The following RHOXF1 variants were observed in gnomAD, a reference collection of about 807,000 sequenced individuals.
RHOXF1 encodes the protein Rhox homeobox family member 1, also known as PEPP subfamily gene 1.
In RHOXF1, 1 loss-of-function variant was observed where a neutral mutation model predicts 9.7. The observed-to-expected ratio is 0.10, with a 90% CI of 0.04 to 0.49. RHOXF1 has a LOEUF of 0.49. Among genes scored for constraint, RHOXF1 ranks in the 20% least tolerant of loss-of-function variants. The probability of loss-of-function intolerance (pLI) is 0.95; values close to 1 mark genes in which losing one functional copy is unlikely to be tolerated. For synonymous variants in RHOXF1, 72 were observed against 70.2 expected, an observed-to-expected ratio of 1.03 and a Z score of -0.13; for missense variants, 179 against 168.0, an observed-to-expected ratio of 1.07 and a Z score of -0.36.
chrX:120,109,142 A>C lies in RHOXF1; in HGVS notation c.*50T>G. ...GGGCAGCCCAGGTGTCAGTGGCACCAGAAAAACCCATCTCCAAACTAGCTC... is the reference window on the plus strand; with the variant it reads ...GGGCAGCCCAGGTGTCAGTGGCACCCGAAAAACCCATCTCCAAACTAGCTC... On this transcript the variant is annotated 3_prime_UTR_variant, in exon 3 of 3. Coordinates refer to ENST00000217999, the MANE Select transcript of RHOXF1 (RefSeq NM_139282.3). 1.2e-5 allele frequency: 10 copies of C among 868,241 alleles called. No homozygotes were observed. The highest frequency in any genetic ancestry group is 1.5e-5 in the Non-Finnish European group (9 of 594,261). 71.6% of individuals were successfully genotyped at this position (868,241 alleles called of 1,213,427 possible). A position where few individuals can be genotyped will look rare whatever the true frequency, so the allele number is the denominator to read the frequency against.
intron 2 of RHOXF1, among the ~76,000 whole-genome samples, chrX:120,112,172 A>G (rs1603390739): frequency 9.1e-6 from 1 of 110,069 alleles, no homozygotes; most frequent in South Asian, 3.9e-4. Flanking sequence ...CCTCATCCCA[A>G]TATTTATAAA....
In RHOXF1 at chrX:120,112,985, T is replaced by C. The variant is rs2057277431; in HGVS notation, c.399-71A>G. 7 of 705,377 alleles carry C rather than the reference T, an allele frequency of 9.9e-6. No homozygotes were observed. In the Admixed American group the frequency reaches 1.2e-4, roughly 12 times the overall value. 58.1% of individuals were successfully genotyped at this position (705,377 alleles called of 1,213,427 possible). ...GAAATGAAATATATAGTATGTACTA[T>C]TTACTTCATGCTTGTTTTACAATTT... is the stretch of plus-strand genomic sequence containing the variant. On this transcript the variant is annotated intron_variant, in intron 1 of 2. Coordinates refer to ENST00000217999, the MANE Select transcript of RHOXF1 (RefSeq NM_139282.3).
chrX:120,114,863 A>G (rs1166353031), intron 1 of RHOXF1, among the ~76,000 whole-genome samples: 4 of 112,416 alleles, frequency 3.6e-5, no homozygotes, highest in Admixed American at 9.4e-5. Context: ...CTGTATCTAT[A>G]AAATGGAATA....
At chrX:120,116,856 C>T, upstream of RHOXF1, among the ~76,000 whole-genome samples, 1 of 111,373 alleles carries the variant, frequency 9.0e-6, no homozygotes. Flanking sequence ...CAAGAGAAAC[C>T]TGTACTCATG....
intron 2 of RHOXF1, among the ~76,000 whole-genome samples, chrX:120,109,790 G>T (rs2057257620): frequency 9.0e-6 from 1 of 110,586 alleles, no homozygotes; most frequent in South Asian, 3.8e-4. Flanking sequence ...TCGCTATGTT[G>T]CCCAGGCTGG....
upstream of RHOXF1, among the ~76,000 whole-genome samples, chrX:120,120,108 G>A (rs1383263644): frequency 8.9e-6 from 1 of 112,073 alleles, no homozygotes; most frequent in Non-Finnish European, 1.9e-5. Flanking sequence ...CTCCTGGAGC[G>A]TCTGCAAAAC....
At chrX:120,114,614 T>C (rs1054339198) in intron 1 of RHOXF1, among the ~76,000 whole-genome samples, 5 of 110,657 alleles carry the variant, frequency 4.5e-5, no homozygotes, top group Admixed American at 1.9e-4. Context: ...AAAAAGCCAC[T>C]CAGATTTTAA....
chrX:120,114,568 A>G (rs1471220296), intron 1 of RHOXF1, among the ~76,000 whole-genome samples: 1 of 111,056 alleles, frequency 9.0e-6, no homozygotes, highest in African/African-American at 3.3e-5. Flanking sequence ...AAGAACTCCT[A>G]CAACCCAATA....
At chrX:120,112,792 G>C in intron 2 of RHOXF1, 77 bp downstream of exon 2, 1 of 652,324 alleles carries the variant, frequency 1.5e-6, no homozygotes, top group South Asian at 2.9e-5. Flanking sequence ...TCAGGACAAA[G>C]CCTTCAAAGC....
upstream of RHOXF1, among the ~76,000 whole-genome samples, chrX:120,119,113 G>A (rs951656621): frequency 4.5e-5 from 5 of 111,863 alleles, no homozygotes; most frequent in Non-Finnish European, 9.4e-5. Flanking sequence ...TCTCCCTTGT[G>A]AATAAAAAAA....
intron 2 of RHOXF1, among the ~76,000 whole-genome samples, chrX:120,112,482 T>C (rs2057272528): frequency 5.2e-5 from 2 of 38,461 alleles, no homozygotes; most frequent in Non-Finnish European, 1.2e-4. Flanking sequence ...CACATATATG[T>C]GTTATATATA....
intron 1 of RHOXF1, among the ~76,000 whole-genome samples, chrX:120,115,244 A>G (rs1044345720): frequency 1.1e-4 from 12 of 111,949 alleles, no homozygotes; most frequent in Non-Finnish European, 2.3e-4. Context: ...ACATCTTTAT[A>G]AAAGGGAGGC....
At chrX:120,116,994 T>C (rs146482773), upstream of RHOXF1, among the ~76,000 whole-genome samples, 4,483 of 111,275 alleles carry the variant, frequency 0.04, 213 homozygotes, top group African/African-American at 0.14. Context: ...GATTTGGGAT[T>C]TAAGGATATG....
upstream of RHOXF1, among the ~76,000 whole-genome samples, chrX:120,118,638 A>C (rs1556000949): frequency 9.0e-6 from 1 of 111,556 alleles, no homozygotes; most frequent in African/African-American, 3.3e-5. Context: ...TTTCTCTGAC[A>C]TGCTTAAGAT....
chrX:120,116,463 G>A (rs1386441343), upstream of RHOXF1: 1 of 110,645 alleles, frequency 9.0e-6, no homozygotes, highest in African/African-American at 3.3e-5. Flanking sequence ...CTCGGGCCTA[G>A]TTATTACCCT....
upstream of RHOXF1, among the ~76,000 whole-genome samples, chrX:120,117,047 G>A (rs1313027032): frequency 1.8e-5 from 2 of 110,932 alleles, no homozygotes; most frequent in African/African-American, 6.6e-5. Context: ...ACAGAGCCTT[G>A]TAACTACACA....
intron 1 of RHOXF1, among the ~76,000 whole-genome samples, chrX:120,114,280 G>A (rs1211851157): frequency 9.0e-6 from 1 of 110,814 alleles, no homozygotes; most frequent in Non-Finnish European, 1.9e-5. Context: ...ACCACAGCTG[G>A]GTGTGGTGGC....
rs1004940043 is a variant in RHOXF1, at chrX:120,112,735, T to C, written c.444+134A>G. The C allele has an allele frequency of 7.3e-6, 3 of 411,396 alleles. No individual in the cohort carries two copies. In the African/African-American group the frequency reaches 7.6e-5, roughly 10 times the overall value. The allele number at this position is 411,396 out of a possible 1,213,427, so 33.9% of individuals were successfully genotyped here. A position where few individuals can be genotyped will look rare whatever the true frequency, so the allele number is the denominator to read the frequency against. On this transcript the variant is annotated intron_variant, in intron 2 of 2. Coordinates refer to ENST00000217999, the MANE Select transcript of RHOXF1 (RefSeq NM_139282.3). ...AAGGAACCCAAACTTCAAAACTTAT[T>C]TGTCAACATAAAAAAGACAATAATA... is the stretch of plus-strand genomic sequence containing the variant.
chrX:120,110,989 A>G (rs73615685), intron 2 of RHOXF1, among the ~76,000 whole-genome samples: 1,180 of 112,069 alleles, frequency 0.011, 13 homozygotes, highest in African/African-American at 0.036. Context: ...TTCTGATACT[A>G]GGTCTGCATT....
Sources: gnomAD v4.1 joint callset for allele counts (sites outside exome capture counted in the v4.1 genomes callset) on GRCh38, gnomAD v4.1.1 for gene constraint, MANE v1.5 for transcripts, NCBI Gene and HGNC (gene_info 2026-07-23, HGNC 2026-07-21) for gene names.